The following TPM3 variants were observed in gnomAD, a reference collection of about 807,000 sequenced individuals.
TPM3 encodes the protein tropomyosin 3, also known as tropomyosin alpha-3 chain.
TPM3 carries 16 observed loss-of-function variants against 43.1 expected under a neutral mutation model. The observed-to-expected ratio is 0.37, with a 90% CI of 0.25 to 0.56. TPM3 has a LOEUF of 0.56. TPM3 is among the 20% of genes least tolerant of loss of function. The pLI, the probability that TPM3 is intolerant of heterozygous loss-of-function variation, is 0.77. For missense variants in TPM3, 176 were observed against 337.2 expected (o/e 0.52, Z 3.74); for synonymous variants, 101 against 116.9 (o/e 0.86, Z 0.88).
intron 2 of TPM3, among the ~76,000 whole-genome samples, chr1:154,180,868 T>A (rs138655530): frequency 6.6e-6 from 1 of 151,560 alleles, no homozygotes; most frequent in African/African-American, 2.4e-5. Context: ...GAGGTTGCAG[T>A]GAGCAGAGAT....
chr1:154,172,374 G>T (rs1661692411), intron 5 of TPM3: 1 of 644,692 alleles, frequency 1.6e-6, no homozygotes, highest in Non-Finnish European at 3.0e-6. Flanking sequence ...TTGCCCTAAG[G>T]TTCCCTAGCA....
intron 2 of TPM3, among the ~76,000 whole-genome samples, chr1:154,185,816 C>T (rs538336581): frequency 6.6e-6 from 1 of 151,624 alleles, no homozygotes; most frequent in East Asian, 1.9e-4. Context: ...CGTTATCTTC[C>T]CTCTTATTTC....
At chr1:154,173,043 T>C in intron 4 of TPM3, 41 bp downstream of exon 4, 1 of 1,614,034 alleles carries the variant, frequency 6.2e-7, no homozygotes, top group Non-Finnish European at 8.5e-7. Flanking sequence ...TTATGCTTTG[T>C]AAAAGGCCGA....
In TPM3 at chr1:154,167,634, T is replaced by C; in HGVS notation, c.*303A>G. The C allele has an allele frequency of 7.9e-7, 1 of 1,271,292 alleles. No homozygotes were observed. Among genetic ancestry groups the C allele is most frequent in the South Asian group, 2.0e-5 (1 of 48,902 alleles). 78.8% of individuals were successfully genotyped at this position (1,271,292 alleles called of 1,614,324 possible). On this transcript the variant is annotated 3_prime_UTR_variant, in exon 10 of 10. Coordinates refer to ENST00000651641, the MANE Select transcript of TPM3 (RefSeq NM_152263.4). Reference sequence around the variant, plus strand: ...ACACACAAAAGTGGCTTTGATTACATAAGTCAGAGGAGGGGGAGCCTACAA... The same window carrying C: ...ACACACAAAAGTGGCTTTGATTACACAAGTCAGAGGAGGGGGAGCCTACAA...
In TPM3 at chr1:154,170,389, A is replaced by G; in HGVS notation, c.775+11T>C. The G allele has an allele frequency of 1.2e-6, 2 of 1,613,988 alleles. No homozygotes were observed. Among genetic ancestry groups the G allele is most frequent in the Non-Finnish European group, 1.7e-6 (2 of 1,179,856 alleles). ...ATTTCTCTATTTCAATCCCTACTCCAGGTTCCATACCTTCCAGGTCATCAA... is the reference window on the plus strand; with the variant it reads ...ATTTCTCTATTTCAATCCCTACTCCGGGTTCCATACCTTCCAGGTCATCAA... On this transcript the variant is annotated intron_variant, in intron 8 of 9. Coordinates refer to ENST00000651641, the MANE Select transcript of TPM3 (RefSeq NM_152263.4).
downstream of TPM3, among the ~76,000 whole-genome samples, chr1:154,161,499 G>A (rs1053103120): frequency 4.2e-5 from 6 of 142,814 alleles, no homozygotes; most frequent in Admixed American, 7.2e-5. Context: ...GCAATGGTAC[G>A]ATTTTGGTTC....
At chr1:154,156,951 T>C (rs1322649604), downstream of TPM3, 1 of 198,460 alleles carries the variant, frequency 5.0e-6, no homozygotes, top group African/African-American at 2.3e-5. Context: ...GACAAAATTT[T>C]GGTCTCAGAG....
chr1:154,176,744 C>T (rs111367713), intron 2 of TPM3, among the ~76,000 whole-genome samples: 17 of 150,934 alleles, frequency 1.1e-4, no homozygotes, highest in African/African-American at 4.1e-4. Context: ...TTCTGGGAGG[C>T]TGGGGCGGGT....
downstream of TPM3, chr1:154,157,507 G>T (rs549410335): frequency 2.2e-4 from 168 of 760,836 alleles, no homozygotes; most frequent in East Asian, 3.4e-3. Flanking sequence ...AGGGAAGGAG[G>T]GGGTGGTGAA....
In TPM3 at chr1:154,167,889, C is replaced by T. The variant is rs1661149071; in HGVS notation, c.*48G>A. 1 of 1,613,734 alleles carries T rather than the reference C, an allele frequency of 6.2e-7. No homozygotes were observed. ...GAGCGAGAGTGGGGCCTTGGGTTCC[C>T]CGAGGAGTAAAGGGGGCAGATCCAG... On this transcript the variant is annotated 3_prime_UTR_variant, in exon 10 of 10. Transcript: ENST00000651641.
chr1:154,177,874 CA>C (rs1171420169), intron 2 of TPM3, among the ~76,000 whole-genome samples: 1 of 152,148 alleles, frequency 6.6e-6, no homozygotes, highest in Non-Finnish European at 1.5e-5. Context: ...ATCTAGCCAC[CA>C]GGCAAAGAAA....
chr1:154,188,228 A>T (rs1326981476), intron 2 of TPM3, among the ~76,000 whole-genome samples: 1 of 151,414 alleles, frequency 6.6e-6, no homozygotes, highest in African/African-American at 2.4e-5. Flanking sequence ...GCTAATTTTT[A>T]AATTTTTTGT....
chr1:154,190,473 G>T (rs1223479962), intron 2 of TPM3, among the ~76,000 whole-genome samples: 1 of 152,210 alleles, frequency 6.6e-6, no homozygotes, highest in Non-Finnish European at 1.5e-5. Context: ...ATGGAAAAGA[G>T]AATTTATTTT....
chr1:154,185,966 G>A (rs2148288414), intron 2 of TPM3, among the ~76,000 whole-genome samples: 1 of 151,686 alleles, frequency 6.6e-6, no homozygotes, highest in South Asian at 2.1e-4. Flanking sequence ...TAGTAGGCAA[G>A]ACAGTTGCTG....
chr1:154,169,669 C>G lies in TPM3; in HGVS notation c.776-286G>C. 7.6e-6 allele frequency: 4 copies of G among 526,450 alleles called. No homozygotes were observed. The South Asian group carries it at 8.6e-5, about 11-fold the overall frequency. The allele number at this position is 526,450 out of a possible 1,614,324, so 32.6% of individuals were successfully genotyped here. A position where few individuals can be genotyped will look rare whatever the true frequency, so the allele number is the denominator to read the frequency against. ...ATTACCAAAAGCACTCAAGAGGATA[C>G]CACTCCCATCCAGGTACCCAATTCC... On this transcript the variant is annotated intron_variant, in intron 8 of 9. Transcript: ENST00000651641.
At chr1:154,169,702 G>A in intron 8 of TPM3, 1 of 464,792 alleles carries the variant, frequency 2.2e-6, no homozygotes, top group Non-Finnish European at 4.0e-6. Flanking sequence ...TCCTAGCAGT[G>A]ATAACACTTA....
intron 3 of TPM3, among the ~76,000 whole-genome samples, chr1:154,174,407 T>TATACATATAC (rs1261318136): frequency 1.4e-5 from 1 of 72,678 alleles, no homozygotes. Context: ...TATATATATA[T>TATACATATAC]ACACACAAAA....
chr1:154,183,253 C>T, intron 2 of TPM3: 8 of 1,526,198 alleles, frequency 5.2e-6, no homozygotes, highest in Non-Finnish European at 7.0e-6. Context: ...ATGTGACGTC[C>T]CTCTGCCGCG....
chr1:154,175,376 T>C (rs1470971659), intron 3 of TPM3, among the ~76,000 whole-genome samples: 1 of 147,712 alleles, frequency 6.8e-6, no homozygotes, highest in African/African-American at 2.5e-5. Flanking sequence ...TTTAAAAACA[T>C]CAATGCCCAG....
Sources: gnomAD v4.1 joint callset for allele counts (sites outside exome capture counted in the v4.1 genomes callset) on GRCh38, gnomAD v4.1.1 for gene constraint, MANE v1.5 for transcripts, NCBI Gene and HGNC (gene_info 2026-07-23, HGNC 2026-07-21) for gene names.